Variants in ENOX1 observed in about 807,000 individuals in gnomAD.
ENOX1 encodes the protein ecto-NOX disulfide-thiol exchanger 1, also known as candidate growth-related and time keeping constitutive hydroquinone (NADH) oxidase.
Under a neutral mutation model 82.5 loss-of-function variants are expected in ENOX1, and 42 were observed. That is an observed-to-expected ratio of 0.51 (90% CI 0.40 to 0.66). The LOEUF (loss-of-function observed/expected upper bound fraction) is 0.66. ENOX1 is among the 30% of genes least tolerant of loss of function. The probability of loss-of-function intolerance (pLI) is 0.00; values close to 1 mark genes in which losing one functional copy is unlikely to be tolerated. For synonymous variants in ENOX1, 271 were observed against 282.2 expected (o/e 0.96, Z 0.40); for missense variants, 608 against 811.6 (o/e 0.75, Z 3.05).
At chr13:43,460,831 TAG>T (rs1273487138) in intron 3 of ENOX1, among the ~76,000 whole-genome samples, 4 of 38,858 alleles carry the variant, frequency 1.0e-4, no homozygotes, top group Non-Finnish European at 1.8e-4. Flanking sequence ...AAAAAAAAAA[TAG>T]GGATAGCTCT....
At chr13:43,604,985 GA>G (rs1274058944) in intron 2 of ENOX1, among the ~76,000 whole-genome samples, 6 of 152,058 alleles carry the variant, frequency 3.9e-5, no homozygotes, top group African/African-American at 1.4e-4. Flanking sequence ...ATCTGAAAAA[GA>G]AATCTAGAAA....
intron 2 of ENOX1, among the ~76,000 whole-genome samples, chr13:43,524,025 G>A (rs1404106765): frequency 2.0e-5 from 3 of 151,886 alleles, no homozygotes; most frequent in Admixed American, 1.3e-4. Context: ...TTTCCTCACC[G>A]GACCCATGGA....
At chr13:43,402,318 T>G (rs1566127669) in intron 5 of ENOX1, among the ~76,000 whole-genome samples, 1 of 152,204 alleles carries the variant, frequency 6.6e-6, no homozygotes, top group Non-Finnish European at 1.5e-5. Context: ...TCTAACTGAT[T>G]GAAGACAGAA....
intron 1 of ENOX1, among the ~76,000 whole-genome samples, chr13:43,682,733 C>T (rs1260138422): frequency 6.6e-6 from 1 of 152,140 alleles, no homozygotes; most frequent in East Asian, 1.9e-4. Context: ...TGCATGCCAG[C>T]TAGCAGTGGC....
intron 1 of ENOX1, among the ~76,000 whole-genome samples, chr13:43,744,488 G>A (rs1016672590): frequency 2.0e-5 from 3 of 152,148 alleles, no homozygotes; most frequent in African/African-American, 4.8e-5. Flanking sequence ...CAGGCCTGGT[G>A]ACAAGACAAA....
intron 2 of ENOX1, among the ~76,000 whole-genome samples, chr13:43,647,675 G>T (rs746348684): frequency 3.2e-4 from 49 of 152,120 alleles, no homozygotes; most frequent in Non-Finnish European, 4.7e-4. Flanking sequence ...CATGTGACAG[G>T]CAGAATGATG....
chr13:43,593,669 TACACACACACACACAC>T (rs58120566), intron 2 of ENOX1, among the ~76,000 whole-genome samples: 1,103 of 69,224 alleles, frequency 0.016, 76 homozygotes, highest in African/African-American at 0.046. Context: ...CCAATCTCTG[TACACACACACACACAC>T]ACACACACAC....
intron 5 of ENOX1, among the ~76,000 whole-genome samples, chr13:43,382,594 A>G (rs2052130889): frequency 6.6e-6 from 1 of 152,168 alleles, no homozygotes; most frequent in Admixed American, 6.5e-5. Context: ...ACAGAAGATC[A>G]GTGGTTGTCT....
chr13:43,757,994 G>A (rs1011620375), intron 1 of ENOX1, among the ~76,000 whole-genome samples: 8 of 152,036 alleles, frequency 5.3e-5, no homozygotes, highest in African/African-American at 1.9e-4. Context: ...CAGCACTTTG[G>A]GAGACCAAGG....
intron 1 of ENOX1, among the ~76,000 whole-genome samples, chr13:43,727,947 TTTAAG>T (rs1246000160): frequency 4.6e-5 from 7 of 152,192 alleles, no homozygotes; most frequent in Non-Finnish European, 8.8e-5. Context: ...AAGAAATTAT[TTTAAG>T]TTAACAAAAG....
At chr13:43,507,184 A>G (rs1332327595) in intron 2 of ENOX1, among the ~76,000 whole-genome samples, 1 of 151,980 alleles carries the variant, frequency 6.6e-6, no homozygotes, top group Non-Finnish European at 1.5e-5. Flanking sequence ...AGAAGACAAA[A>G]GACAAAGGAT....
intron 14 of ENOX1, among the ~76,000 whole-genome samples, chr13:43,263,286 GC>G (rs1262455195): frequency 2.0e-5 from 3 of 152,102 alleles, no homozygotes; most frequent in African/African-American, 7.2e-5. Context: ...GCAGTGACTG[GC>G]AAGGACTGTC....
chr13:43,368,719 G>A (rs2051014776), intron 5 of ENOX1, among the ~76,000 whole-genome samples: 2 of 152,326 alleles, frequency 1.3e-5, no homozygotes, highest in African/African-American at 4.8e-5. Flanking sequence ...ATGACAACCA[G>A]GTGTGGAGGG....
At chr13:43,417,239 A>G (rs71429455) in intron 3 of ENOX1, among the ~76,000 whole-genome samples, 1 of 23,824 alleles carries the variant, frequency 4.2e-5, no homozygotes, top group South Asian at 2.4e-3. Context: ...GGGAGACGGG[A>G]GACGGGAGAG....
chr13:43,392,185 T>C (rs969169366), intron 5 of ENOX1, among the ~76,000 whole-genome samples: 3 of 152,246 alleles, frequency 2.0e-5, no homozygotes, highest in African/African-American at 7.2e-5. Flanking sequence ...TGGTCTATTA[T>C]TGCAGCATTG....
At chr13:43,482,344 C>G (rs2058538458) in intron 3 of ENOX1, among the ~76,000 whole-genome samples, 1 of 152,078 alleles carries the variant, frequency 6.6e-6, no homozygotes, top group Non-Finnish European at 1.5e-5. Context: ...CATGGATAAA[C>G]TAAGGTCATT....
chr13:43,400,691 A>G (rs1036714001), intron 5 of ENOX1, among the ~76,000 whole-genome samples: 1 of 152,228 alleles, frequency 6.6e-6, no homozygotes, highest in Non-Finnish European at 1.5e-5. Context: ...GCAGCATTCA[A>G]GGACAACAAA....
At chr13:43,488,264 G>A (rs1361857520) in intron 2 of ENOX1, among the ~76,000 whole-genome samples, 2 of 152,160 alleles carry the variant, frequency 1.3e-5, no homozygotes, top group East Asian at 3.9e-4. Context: ...ATGTGATCAA[G>A]GCCCTTATAA....
chr13:43,272,527 C>A lies in ENOX1; in HGVS notation c.1447-2950G>T, dbSNP rs527625230. The stretch of plus-strand genomic sequence containing the variant: ...TAATTGTTGCCAGTTTAATAGAACA[C>A]CAAGATTCTTCATCTTTGAAAAATT... On this transcript the variant is annotated intron_variant, in intron 12 of 16. Transcript: ENST00000690772. 3.3e-5 allele frequency among the ~76,000 whole-genome samples: 5 copies of A among 152,256 alleles called. No individual in the cohort carries two copies. The East Asian group carries it at 9.7e-4, about 29-fold the overall frequency.
Sources: allele counts gnomAD v4.1 joint callset (sites outside exome capture counted in the v4.1 genomes callset), GRCh38; gene constraint gnomAD v4.1.1; transcripts MANE v1.5; gene names NCBI Gene and HGNC (gene_info 2026-07-23, HGNC 2026-07-21).